Variants in MYO19 observed in about 807,000 individuals in gnomAD.
MYO19 encodes unconventional myosin-XIX.
MYO19 carries 132 observed loss-of-function variants against 129.2 expected under a neutral mutation model. The ratio of observed to expected loss-of-function variants is 1.02; its 90% CI spans 0.89 to 1.18. The LOEUF is 1.18. Ranked by LOEUF, MYO19 falls within the 50% of genes most tolerant of loss-of-function variation. The pLI is 0.00. For missense variants in MYO19, 1,210 were observed against 1,216.7 expected (o/e 0.99, Z 0.08); for synonymous variants, 531 against 477.2 (o/e 1.11, Z -1.47).
Position 36,532,180 on chromosome 17 carries a change from G to A in MYO19, c.12+347C>T, listed in dbSNP as rs372813395. On this transcript the variant is annotated intron_variant, in intron 3 of 25. Transcript: ENST00000614623. ...ATTCTTTCTAGTTCTTTAAGGCTTA[G>A]CTTCAAGGAACACATCCTCTTGGAA... Among the ~76,000 whole-genome samples the A allele has an allele frequency of 3.3e-5, 5 of 152,238 alleles. No individual in the cohort carries two copies. The South Asian group carries it at 8.3e-4, about 25-fold the overall frequency.
At chr17:36,496,993 A>G (rs1271364945) in intron 25 of MYO19, among the ~76,000 whole-genome samples, 2 of 152,108 alleles carry the variant, frequency 1.3e-5, no homozygotes, top group African/African-American at 4.8e-5. Flanking sequence ...GCCCTGAGTG[A>G]CAATGACTTC....
Position 36,503,955 on chromosome 17 carries a change from G to T in MYO19, c.1971C>A (p.Pro657=). 6.3e-7 allele frequency: 1 copy of T among 1,590,724 alleles called. No individual in the cohort carries two copies. Among genetic ancestry groups the T allele is most frequent in the Non-Finnish European group, 8.5e-7 (1 of 1,169,770 alleles). Reference sequence around the variant, plus strand: ...CCGTGATCGAGCCCACTCACCGGATGGGGAAGCCAGCAGCACTGATATGGA... The same window carrying T: ...CCGTGATCGAGCCCACTCACCGGATTGGGAAGCCAGCAGCACTGATATGGA... ...ETIHISAAGF[P]IRVSHRNFVE... Residue 657 remains proline (P), a synonymous_variant, in exon 20 of 26, where the codon CCC becomes CCA. Coordinates refer to ENST00000614623, the MANE Select transcript of MYO19 (RefSeq NM_001163735.2).
chr17:36,532,764 G>A (rs894062198), intron 2 of MYO19, 83 bp from the exon 3 acceptor site: 34 of 602,888 alleles, frequency 5.6e-5, no homozygotes, highest in African/African-American at 4.6e-4. Context: ...CCACCTAGCA[G>A]AAGCAACCAA....
At chr17:36,531,440 G>A (rs1357118315) in intron 3 of MYO19, among the ~76,000 whole-genome samples, 2 of 148,714 alleles carry the variant, frequency 1.3e-5, no homozygotes, top group Non-Finnish European at 3.0e-5. Flanking sequence ...ATAAGCAAAA[G>A]GAGCATAAAA....
chr17:36,533,715 C>G (rs1038723744), intron 2 of MYO19: 1 of 152,218 alleles, frequency 6.6e-6, no homozygotes, highest in Admixed American at 6.5e-5. Context: ...ACTGACTGTA[C>G]CCCATCCAAG....
intron 4 of MYO19, 130 bp from the exon 5 acceptor site, chr17:36,527,829 T>C (rs2073574647): frequency 1.3e-5 from 15 of 1,157,794 alleles, no homozygotes; most frequent in Non-Finnish European, 1.8e-5. Context: ...AGCAGCTCCC[T>C]GAAGAAAAGA....
rs771772171 is a variant in MYO19, at chr17:36,505,298, T to G, written c.1904A>C (p.Glu635Ala). The part of the protein sequence containing the change: ...QGQAQTFLQE[E>A]VLSQLEACGL... Reference sequence around the variant, plus strand: ...CAGCTTTGGCCCGGTGTTAATTACCTCCTCTTGGAGAAAGGTCTGCGCCTG... The same window carrying G: ...CAGCTTTGGCCCGGTGTTAATTACCGCCTCTTGGAGAAAGGTCTGCGCCTG... The change falls in exon 19 of 26, where the codon GAG (glutamate) becomes GCG (alanine). Residue 635 changes from glutamate (E) to alanine (A), a missense_variant and splice_region_variant. By Grantham distance (107) the Glu-to-Ala change is moderately radical (BLOSUM62 -1). Coordinates refer to ENST00000614623, the MANE Select transcript of MYO19 (RefSeq NM_001163735.2). 5.6e-6 allele frequency: 9 copies of G among 1,613,882 alleles called. No homozygotes were observed. The Admixed American group carries it at 6.7e-5, about 12-fold the overall frequency.
intron 9 of MYO19, among the ~76,000 whole-genome samples, chr17:36,514,057 C>G (rs982571131): frequency 9.9e-5 from 15 of 152,184 alleles, no homozygotes; most frequent in African/African-American, 3.6e-4. Context: ...GGGAGATATC[C>G]TATCCATGCC....
At chr17:36,516,815 C>T (rs907057674) in intron 6 of MYO19, among the ~76,000 whole-genome samples, 1 of 152,232 alleles carries the variant, frequency 6.6e-6, no homozygotes, top group Admixed American at 6.5e-5. Flanking sequence ...TCACTAAACG[C>T]TCTACAACTT....
Position 36,506,512 on chromosome 17 carries a change from CCTGGGT to C in MYO19, c.1735_1740del (p.Thr579_Gln580del). ...GCCCTGCTCTGGCCAGGGGGTTCCT[CCTGGGT>C]CTTCTCTTTGGGGTTAGTAGGAAAC... On this transcript the variant is annotated inframe_deletion, in exon 18 of 26. Coordinates refer to ENST00000614623, the MANE Select transcript of MYO19 (RefSeq NM_001163735.2). The C allele has an allele frequency of 6.2e-7, 1 of 1,607,280 alleles. No individual in the cohort carries two copies. Among genetic ancestry groups the C allele is most frequent in the South Asian group, 1.1e-5 (1 of 90,106 alleles).
intron 1 of MYO19, chr17:36,542,282 G>A (rs144868490): frequency 6.6e-6 from 1 of 152,214 alleles, no homozygotes; most frequent in East Asian, 1.9e-4. Context: ...AAATCCCCAG[G>A]GTGAATACTC....
chr17:36,517,335 C>G (rs2072823430), intron 6 of MYO19, among the ~76,000 whole-genome samples: 1 of 152,214 alleles, frequency 6.6e-6, no homozygotes, highest in Non-Finnish European at 1.5e-5. Flanking sequence ...TCTCGGCTCA[C>G]TGCAACCTCT....
upstream of MYO19, chr17:36,538,842 C>T: frequency 2.4e-6 from 1 of 423,796 alleles, no homozygotes; most frequent in Admixed American, 4.1e-5. Flanking sequence ...CAACCTCCAC[C>T]TCCCGGGTTC....
intron 11 of MYO19, chr17:36,512,835 G>C (rs1203095805): frequency 8.0e-7 from 1 of 1,251,152 alleles, no homozygotes; most frequent in East Asian, 5.7e-5. Flanking sequence ...AAGACAGAAG[G>C]GAGGCCCCCC....
At chr17:36,525,423 G>C (rs2073404198) in intron 5 of MYO19, 82 bp from the exon 6 acceptor site, 1 of 1,057,004 alleles carries the variant, frequency 9.5e-7, no homozygotes, top group African/African-American at 1.6e-5. Context: ...CTGAGATGGG[G>C]AGGCTGCCAA....
chr17:36,513,154 TC>T (rs1282636446), intron 11 of MYO19: 7 of 1,401,192 alleles, frequency 5.0e-6, no homozygotes, highest in Non-Finnish European at 5.5e-6. Context: ...TCTCTTCTGA[TC>T]ATGCGGTACC....
intron 6 of MYO19, among the ~76,000 whole-genome samples, chr17:36,518,242 C>T (rs1016508335): frequency 2.6e-5 from 4 of 151,972 alleles, no homozygotes; most frequent in Admixed American, 6.5e-5. Flanking sequence ...GAAGCTGAGG[C>T]GAGCTGATCA....
chr17:36,538,190 A>G, upstream of MYO19: 1 of 1,613,622 alleles, frequency 6.2e-7, no homozygotes, highest in African/African-American at 1.3e-5. Flanking sequence ...ATGTAGAAGC[A>G]GTATCTCGAA....
chr17:36,500,700 A>G, intron 23 of MYO19, 130 bp downstream of exon 23: 2 of 1,277,004 alleles, frequency 1.6e-6, no homozygotes, highest in Non-Finnish European at 1.1e-6. Flanking sequence ...GAATCCCAGC[A>G]CACCACAGGG....
Sources: gnomAD v4.1 joint callset for allele counts (sites outside exome capture counted in the v4.1 genomes callset) on GRCh38, gnomAD v4.1.1 for gene constraint, MANE v1.5 for transcripts, NCBI Gene and HGNC (gene_info 2026-07-23, HGNC 2026-07-21) for gene names.